Variants in CSMD1 observed in about 807,000 individuals in gnomAD.
CSMD1 encodes CUB and Sushi multiple domains 1.
A neutral mutation model predicts 417.5 loss-of-function variants in CSMD1; 213 were observed. That is an observed-to-expected ratio of 0.51 (90% confidence interval 0.46 to 0.57). The LOEUF (loss-of-function observed/expected upper bound fraction) is 0.57. Ranked by LOEUF, CSMD1 falls within the 20% of genes least tolerant of loss-of-function variation. The probability of loss-of-function intolerance (pLI) is 0.00; values close to 1 mark genes in which losing one functional copy is unlikely to be tolerated. For missense variants in CSMD1, 6,923 were observed against 4,529.7 expected (o/e 1.53, Z -15.17); for synonymous variants, 2,862 against 1,736.8 (o/e 1.65, Z -16.11).
At chr8:3,656,402 TCA>T (rs1484443362) in intron 7 of CSMD1, among the ~76,000 whole-genome samples, 1 of 152,158 alleles carries the variant, frequency 6.6e-6, no homozygotes, top group African/African-American at 2.4e-5. Context: ...TTTTTTCCTC[TCA>T]GTGCATCACC....
chr8:3,759,129 G>C (rs1797844491), intron 5 of CSMD1, among the ~76,000 whole-genome samples: 3 of 152,192 alleles, frequency 2.0e-5, no homozygotes, highest in Admixed American at 1.3e-4. Context: ...ACACGTGTTG[G>C]TTTAAGTCAT....
intron 5 of CSMD1, among the ~76,000 whole-genome samples, chr8:3,852,017 G>A (rs1045157533): frequency 6.6e-6 from 1 of 152,116 alleles, no homozygotes; most frequent in Non-Finnish European, 1.5e-5. Context: ...TCACCGGTGA[G>A]GACAAGTTCC....
At chr8:3,129,419 G>C (rs575252312) in intron 41 of CSMD1, among the ~76,000 whole-genome samples, 64 of 152,176 alleles carry the variant, frequency 4.2e-4, no homozygotes, top group Non-Finnish European at 8.8e-4. Flanking sequence ...GTAGCTTTTG[G>C]AACTACATAG....
At chr8:3,463,140 C>G (rs1816612892) in intron 12 of CSMD1, among the ~76,000 whole-genome samples, 1 of 152,182 alleles carries the variant, frequency 6.6e-6, no homozygotes, top group South Asian at 2.1e-4. Flanking sequence ...TCTCCATATT[C>G]TGTTACGGCA....
intron 3 of CSMD1, among the ~76,000 whole-genome samples, chr8:4,375,622 GA>G (rs1802684812): frequency 6.6e-6 from 1 of 152,098 alleles, no homozygotes; most frequent in African/African-American, 2.4e-5. Flanking sequence ...CAGCCACGTG[GA>G]ATTGTGGCTG....
At chr8:4,215,288 T>C (rs539524306) in intron 3 of CSMD1, among the ~76,000 whole-genome samples, 1 of 152,308 alleles carries the variant, frequency 6.6e-6, no homozygotes, top group East Asian at 1.9e-4. Context: ...TTCATAATAT[T>C]CATCTCCTCC....
At chr8:3,877,169 A>G (rs1437802218) in intron 5 of CSMD1, among the ~76,000 whole-genome samples, 1 of 152,168 alleles carries the variant, frequency 6.6e-6, no homozygotes, top group Admixed American at 6.5e-5. Context: ...CCTTTCCTAC[A>G]GGAGAAGTGA....
At chr8:4,934,277 T>C (rs538386322) in intron 1 of CSMD1, among the ~76,000 whole-genome samples, 1 of 152,200 alleles carries the variant, frequency 6.6e-6, no homozygotes, top group Admixed American at 6.5e-5. Flanking sequence ...CAGAATGCTT[T>C]GGGACCATCC....
At chr8:3,413,727 G>T (rs1186494109) in intron 12 of CSMD1, among the ~76,000 whole-genome samples, 1 of 152,088 alleles carries the variant, frequency 6.6e-6, no homozygotes, top group Admixed American at 6.6e-5. Flanking sequence ...TTTATTTGAG[G>T]TTCATATCAC....
chr8:4,546,577 G>T (rs1459088713), intron 2 of CSMD1, among the ~76,000 whole-genome samples: 2 of 152,082 alleles, frequency 1.3e-5, no homozygotes, highest in Non-Finnish European at 2.9e-5. Context: ...CTGGTTCTCA[G>T]GCCTTCAGAT....
chr8:3,785,921 T>C (rs974884948), intron 5 of CSMD1, among the ~76,000 whole-genome samples: 7 of 152,216 alleles, frequency 4.6e-5, no homozygotes, highest in Admixed American at 2.0e-4. Context: ...TACACCATTC[T>C]TGGAGCCGAG....
At chr8:4,498,436 C>G (rs777318244) in intron 2 of CSMD1, among the ~76,000 whole-genome samples, 1 of 152,048 alleles carries the variant, frequency 6.6e-6, no homozygotes, top group Non-Finnish European at 1.5e-5. Context: ...GCTTCAGAGG[C>G]ATTTACTTAA....
In CSMD1 at chr8:4,750,847, G is replaced by C. The variant is rs190231342; in HGVS notation, c.86-113289C>G. On this transcript the variant is annotated intron_variant, in intron 1 of 69. Coordinates refer to ENST00000635120, the MANE Select transcript of CSMD1 (RefSeq NM_033225.6). Reference sequence around the variant, plus strand: ...TCAAGGGTCTACTGATAGCTGATGAGATATTGGGATTTAGTGAAGGGACTG... The same window carrying C: ...TCAAGGGTCTACTGATAGCTGATGACATATTGGGATTTAGTGAAGGGACTG... Among the ~76,000 whole-genome samples the C allele has an allele frequency of 4.1e-3, 626 of 152,244 alleles. 6 individuals carry two copies. The highest frequency in any genetic ancestry group is 8.2e-3 in the Admixed American group (126 of 15,300).
rs149144474 is a variant in CSMD1, at chr8:4,490,615, T to C, written c.303-70550A>G. 2.4e-4 allele frequency among the ~76,000 whole-genome samples: 36 copies of C among 152,196 alleles called. 1 individual carries two copies. The East Asian group carries it at 6.4e-3, about 27-fold the overall frequency. ...ACAAACAAGAGAAAGAAACAAAGACTGAAATCAGGAGAGGGAAAAATGCCC... is the reference window on the plus strand; with the variant it reads ...ACAAACAAGAGAAAGAAACAAAGACCGAAATCAGGAGAGGGAAAAATGCCC... On this transcript the variant is annotated intron_variant, in intron 2 of 69. Coordinates refer to ENST00000635120, the MANE Select transcript of CSMD1 (RefSeq NM_033225.6).
chr8:3,985,761 T>C (rs1295206515), intron 5 of CSMD1, among the ~76,000 whole-genome samples: 1 of 149,010 alleles, frequency 6.7e-6, no homozygotes, highest in East Asian at 2.0e-4. Flanking sequence ...AAGTGATTTT[T>C]TTTTTTTTTT....
At chr8:3,790,289 G>A (rs1213731558) in intron 5 of CSMD1, among the ~76,000 whole-genome samples, 4 of 152,164 alleles carry the variant, frequency 2.6e-5, no homozygotes, top group African/African-American at 9.7e-5. Flanking sequence ...ACAAGATGAA[G>A]TAAGTCATGT....
intron 2 of CSMD1, among the ~76,000 whole-genome samples, chr8:4,426,914 A>G (rs184090527): frequency 6.6e-6 from 1 of 151,926 alleles, no homozygotes; most frequent in East Asian, 1.9e-4. Context: ...TCAGCTTTTT[A>G]TTTTATATAG....
intron 3 of CSMD1, among the ~76,000 whole-genome samples, chr8:4,350,710 T>A (rs1034459605): frequency 6.6e-6 from 1 of 152,210 alleles, no homozygotes; most frequent in African/African-American, 2.4e-5. Context: ...TGTCCACTTC[T>A]CCTGCTGACC....
chr8:4,353,031 T>G (rs1421117880), intron 3 of CSMD1, among the ~76,000 whole-genome samples: 1 of 152,164 alleles, frequency 6.6e-6, no homozygotes, highest in Non-Finnish European at 1.5e-5. Context: ...ATTTCCTGAG[T>G]CTTAATATAT....
Sources: allele counts gnomAD v4.1 joint callset (sites outside exome capture counted in the v4.1 genomes callset), GRCh38; gene constraint gnomAD v4.1.1; transcripts MANE v1.5; gene names NCBI Gene and HGNC (gene_info 2026-07-23, HGNC 2026-07-21).